Variants in CASP5 observed in about 807,000 individuals in gnomAD.
The protein encoded by CASP5 is caspase-5.
Under a neutral mutation model 45.2 loss-of-function variants are expected in CASP5, and 42 were observed. That is an observed-to-expected ratio of 0.93 (90% CI 0.73 to 1.20). CASP5 has a LOEUF of 1.20. Among genes scored for constraint, CASP5 ranks in the 50% most tolerant of loss-of-function variants. The pLI is 0.00. For missense variants in CASP5, 512 were observed against 532.2 expected (o/e 0.96, Z 0.37); for synonymous variants, 209 against 186.2 (o/e 1.12, Z -1.00).
chr11:104,997,436 T>A lies in CASP5; in HGVS notation c.1153A>T (p.Thr385Ser). ...CAGCAAGAATATTTCTGGAAGCATG[T>A]GATGAGTTCCGTAATGAAGATGGAG... is the stretch of plus-strand genomic sequence containing the variant. The part of the protein sequence containing the change: ...RGSIFITELI[T>S]CFQKYSCCCH... Residue 385 changes from threonine (T) to serine (S), a missense_variant, in exon 8 of 10, where the codon ACA becomes TCA. Coordinates refer to ENST00000260315, the MANE Select transcript of CASP5 (RefSeq NM_004347.5). 1 of 1,613,408 alleles carries A rather than the reference T, an allele frequency of 6.2e-7. No homozygotes were observed. Among genetic ancestry groups the A allele is most frequent in the South Asian group, 1.1e-5 (1 of 91,074 alleles).
chr11:105,016,201 A>C (rs1047460876), intron 1 of CASP5, among the ~76,000 whole-genome samples: 2 of 152,146 alleles, frequency 1.3e-5, no homozygotes, highest in Non-Finnish European at 2.9e-5. Flanking sequence ...TTGTCTGCAG[A>C]TCTTTAAAGG....
At chr11:105,019,750 C>T (rs979573328) in intron 1 of CASP5, among the ~76,000 whole-genome samples, 2 of 144,792 alleles carry the variant, frequency 1.4e-5, no homozygotes, top group African/African-American at 5.0e-5. Flanking sequence ...GGTACCATTC[C>T]TTCTGAAACT....
intron 4 of CASP5, 33 bp from the exon 5 acceptor site, chr11:105,002,234 A>G (rs1319828635): frequency 2.5e-6 from 4 of 1,607,480 alleles, no homozygotes; most frequent in Non-Finnish European, 3.4e-6. Context: ...AACTTTGATT[A>G]CCCGAGTCTC....
chr11:105,000,507 C>T lies in CASP5; in HGVS notation c.718-12G>A, dbSNP rs762270588. On this transcript the variant is annotated splice_polypyrimidine_tract_variant and intron_variant, in intron 5 of 9. Coordinates refer to ENST00000260315, the MANE Select transcript of CASP5 (RefSeq NM_004347.5). ...ACTGACTCCATATCCTATAAAAGAGCAATGTCTAACTTCAGTCAGAGAAGC... is the reference window on the plus strand; with the variant it reads ...ACTGACTCCATATCCTATAAAAGAGTAATGTCTAACTTCAGTCAGAGAAGC... The T allele has an allele frequency of 3.1e-6, 5 of 1,609,392 alleles. No homozygotes were observed. The highest frequency in any genetic ancestry group is 3.3e-5 in the Admixed American group (2 of 59,990).
At chr11:105,015,355 AAC>A (rs1390746809) in intron 1 of CASP5, among the ~76,000 whole-genome samples, 25 of 152,232 alleles carry the variant, frequency 1.6e-4, no homozygotes, top group African/African-American at 6.0e-4. Context: ...ATTTTTAAAA[AAC>A]AGTTTTTATT....
chr11:104,995,438 T>A (rs930298510), intron 9 of CASP5, among the ~76,000 whole-genome samples: 5 of 152,136 alleles, frequency 3.3e-5, no homozygotes, highest in Admixed American at 2.0e-4. Context: ...GTATGAGAGA[T>A]AAATGAACAT....
rs556725713 is a variant in CASP5 at position 105,000,285 on chromosome 11, T to G, written c.928A>C (p.Ile310Leu). Residue 310 changes from isoleucine (I) to leucine (L), a missense_variant, in exon 6 of 10, where the codon ATC becomes CTC. By Grantham distance (5) the Ile-to-Leu change is conservative. Transcript: ENST00000260315. The stretch of plus-strand genomic sequence containing the variant: ...CCACCTCTGCAGGCCTGGACAATGA[T>G]GACCTTGGGTTTGTCCTTTAGACTG... Reference protein sequence around the residue: ...CLSLKDKPKVIIVQACRGEKH... With the variant: ...CLSLKDKPKVLIVQACRGEKH... The G allele has an allele frequency of 6.2e-7, 1 of 1,614,224 alleles. No individual in the cohort carries two copies. Among genetic ancestry groups the G allele is most frequent in the Non-Finnish European group, 8.5e-7 (1 of 1,180,024 alleles).
intron 3 of CASP5, among the ~76,000 whole-genome samples, chr11:105,003,989 T>C (rs1399979693): frequency 1.3e-5 from 2 of 152,088 alleles, no homozygotes; most frequent in Non-Finnish European, 2.9e-5. Context: ...GATAGTCCCC[T>C]CCTAGTTCAC....
In CASP5 at chr11:105,003,315, G is replaced by T; in HGVS notation, c.502C>A (p.Arg168Ser). Residue 168 changes from arginine to serine, a missense_variant, in exon 4 of 10, where the codon CGT becomes AGT. Physicochemically the swap from Arg to Ser is moderately radical, Grantham distance 110. Transcript: ENST00000260315. ...TTACACAGTCTCAGGAATTCTTCAC[G>T]AGGACAAAGTTTGAGTATATTTGTA... The part of the protein sequence containing the change: ...ESTNILKLCP[R>S]EEFLRLCKKN... The T allele has an allele frequency of 6.2e-7, 1 of 1,606,794 alleles. No individual in the cohort carries two copies. The highest frequency in any genetic ancestry group is 8.5e-7 in the Non-Finnish European group (1 of 1,176,872).
At chr11:105,018,227 A>G (rs1220554097) in intron 1 of CASP5, among the ~76,000 whole-genome samples, 1 of 151,640 alleles carries the variant, frequency 6.6e-6, no homozygotes, top group Admixed American at 6.6e-5. Context: ...GACCATCGAG[A>G]CTAGGAAGAA....
Position 105,000,436 on chromosome 11 carries a change from G to GCTGT in CASP5, c.773_776dup (p.Ser259ArgfsTer22). ...CATGAGACATGAGTACCAAGAACGT[G>GCTGT]CTGTCAGAGGACTTGTGCTCTGGTC... On this transcript the variant is annotated frameshift_variant, in exon 6 of 10. Coordinates refer to ENST00000260315, the MANE Select transcript of CASP5 (RefSeq NM_004347.5). LOFTEE classifies it high-confidence loss of function. The GCTGT allele has an allele frequency of 6.2e-7, 1 of 1,614,162 alleles. No homozygotes were observed. The highest frequency in any genetic ancestry group is 1.7e-5 in the Admixed American group (1 of 60,018).
Position 104,995,783 on chromosome 11 carries a change from T to A in CASP5, c.1266A>T (p.Ala422=), listed in dbSNP as rs761410953. 1 of 1,612,902 alleles carries A rather than the reference T, an allele frequency of 6.2e-7. No individual in the cohort carries two copies. The highest frequency in any genetic ancestry group is 1.6e-4 in the Middle Eastern group (1 of 6,062). The change falls in exon 9 of 10, where the codon GCA becomes GCT. Residue 422 remains alanine (A), a synonymous_variant. Coordinates refer to ENST00000260315, the MANE Select transcript of CASP5 (RefSeq NM_004347.5). ...AKAQMPTIER[A]TLTRDFYLFP... ...AGAGGTAGAAATCTCTTGTCAAGGTTGCTCGTTCTATGGTGGGCATCTGGG... is the reference window on the plus strand; with the variant it reads ...AGAGGTAGAAATCTCTTGTCAAGGTAGCTCGTTCTATGGTGGGCATCTGGG...
chr11:105,007,537 A>G (rs1166750101), intron 2 of CASP5, among the ~76,000 whole-genome samples: 1 of 152,058 alleles, frequency 6.6e-6, no homozygotes, highest in Non-Finnish European at 1.5e-5. Flanking sequence ...TTAGCAATTC[A>G]TTTCCTCTTA....
rs566787478 is a variant in CASP5 at position 105,002,556 on chromosome 11, C to T, written c.544-355G>A. ...AATATAGCAAATTTTCTTTGCCTTC[C>T]GTATTATGATTATTTTGGTACTATT... On this transcript the variant is annotated intron_variant, in intron 4 of 9. Transcript: ENST00000260315. Among the ~76,000 whole-genome samples the T allele has an allele frequency of 5.9e-5, 9 of 152,186 alleles. No individual in the cohort carries two copies. The South Asian group carries it at 8.3e-4, about 14-fold the overall frequency.
chr11:105,007,291 CA>C lies in CASP5; in HGVS notation c.224del (p.Leu75ArgfsTer19), dbSNP rs780261874. ...KKKTVKMLEY[L>X]GKDVLHGVFN... ...AAACACCATGAAGAACATCTTTGCC[CA>C]GGTATTCCAACATCTTAACTGTTTT... On this transcript the variant is annotated frameshift_variant, in exon 3 of 10. Coordinates refer to ENST00000260315, the MANE Select transcript of CASP5 (RefSeq NM_004347.5). LOFTEE classifies it high-confidence loss of function. The C allele has an allele frequency of 1.2e-6, 2 of 1,608,594 alleles. No homozygotes were observed. The highest frequency in any genetic ancestry group is 1.1e-5 in the South Asian group (1 of 90,510).
Position 105,008,941 on chromosome 11 carries a change from G to T in CASP5, c.47C>A (p.Ala16Asp). 3 of 1,609,148 alleles carry T rather than the reference G, an allele frequency of 1.9e-6. No individual in the cohort carries two copies. The highest frequency in any genetic ancestry group is 2.5e-6 in the Non-Finnish European group (3 of 1,177,978). ...GKKKRRKNFE[A>D]MFKGILQSGL... ...ACTCTGAAGGATACCTTTGAACATA[G>T]CTTCAAAATTCTTACGCCTTTTTTT... Residue 16 changes from alanine to aspartate, a missense_variant, in exon 2 of 10, where the codon GCT (alanine) becomes GAT (aspartate). Physicochemically the swap from Ala to Asp is moderately radical, Grantham distance 126 (BLOSUM62 -2). Coordinates refer to ENST00000260315, the MANE Select transcript of CASP5 (RefSeq NM_004347.5).
chr11:105,020,982 C>T (rs1225240884), intron 1 of CASP5, among the ~76,000 whole-genome samples: 2 of 151,956 alleles, frequency 1.3e-5, no homozygotes, highest in East Asian at 3.9e-4. Flanking sequence ...TGGAACAGAA[C>T]AGAGCCCTCA....
intron 1 of CASP5, among the ~76,000 whole-genome samples, chr11:105,009,840 C>CACATATATATACACATATATAT (rs1358037948): frequency 9.2e-5 from 12 of 130,032 alleles, no homozygotes; most frequent in East Asian, 6.4e-4. Context: ...TATATATATA[C>CACATATATATACACATATATAT]ACATATATAT....
Position 105,009,718 on chromosome 11 carries a change from C to CAT in CASP5, c.8-739_8-738insAT, listed in dbSNP as rs1424749536. 1.9e-3 allele frequency among the ~76,000 whole-genome samples: 162 copies of CAT among 83,528 alleles called. 2 individuals are homozygous for CAT. Among genetic ancestry groups the CAT allele is most frequent in the East Asian group, 7.3e-3 (25 of 3,418 alleles). The allele number at this position is 83,528 out of a possible 152,430, so 54.8% of individuals were successfully genotyped here. A position where few individuals can be genotyped will look rare whatever the true frequency, so the allele number is the denominator to read the frequency against. On this transcript the variant is annotated intron_variant, in intron 1 of 9. Coordinates refer to ENST00000260315, the MANE Select transcript of CASP5 (RefSeq NM_004347.5). ...TTTTACCAGGAGATATATATATACA[C>CAT]ACATATATATATATATATATATATA... is the stretch of plus-strand genomic sequence containing the variant.
Sources: gnomAD v4.1 joint callset for allele counts (sites outside exome capture counted in the v4.1 genomes callset) on GRCh38, gnomAD v4.1.1 for gene constraint, MANE v1.5 for transcripts, NCBI Gene and HGNC (gene_info 2026-07-23, HGNC 2026-07-21) for gene names.